The following KPNA1 variants were observed in gnomAD, a reference collection of about 807,000 sequenced individuals.
KPNA1 encodes the protein importin subunit alpha-5.
KPNA1 carries 10 observed loss-of-function variants against 70.5 expected under a neutral mutation model. The ratio of observed to expected loss-of-function variants is 0.14; its 90% CI spans 0.09 to 0.24. KPNA1 has a LOEUF of 0.24. KPNA1 is among the 10% of genes least tolerant of loss of function. The pLI is 1.00. For missense variants in KPNA1, 397 were observed against 637.9 expected (o/e 0.62, Z 4.07); for synonymous variants, 192 against 221.9 (o/e 0.87, Z 1.20).
intron 9 of KPNA1, among the ~76,000 whole-genome samples, chr3:122,445,211 A>G (rs1057376879): frequency 2.0e-5 from 3 of 152,202 alleles, no homozygotes; most frequent in African/African-American, 4.8e-5. Context: ...AGAGCTTAAA[A>G]GACCTGATGG....
At chr3:122,471,961 G>A (rs1049078542) in intron 2 of KPNA1, among the ~76,000 whole-genome samples, 3 of 152,170 alleles carry the variant, frequency 2.0e-5, no homozygotes, top group African/African-American at 7.2e-5. Flanking sequence ...AAAACTGATA[G>A]AATTGCAAAG....
intron 1 of KPNA1, among the ~76,000 whole-genome samples, chr3:122,500,710 G>T (rs1180565367): frequency 6.6e-6 from 1 of 151,816 alleles, no homozygotes; most frequent in Admixed American, 6.6e-5. Flanking sequence ...CTCACCATGT[G>T]GGCAACTGGT....
At chr3:122,438,677 C>T (rs1032157666) in intron 10 of KPNA1, among the ~76,000 whole-genome samples, 5 of 152,138 alleles carry the variant, frequency 3.3e-5, no homozygotes, top group East Asian at 1.9e-4. Context: ...GGAGCCACCA[C>T]GCTCGGCCAG....
chr3:122,431,377 G>A (rs1223500870), intron 12 of KPNA1, among the ~76,000 whole-genome samples: 2 of 152,136 alleles, frequency 1.3e-5, no homozygotes, highest in Non-Finnish European at 1.5e-5. Context: ...GGCTGGTCTC[G>A]AACTCCTGAC....
intron 3 of KPNA1, among the ~76,000 whole-genome samples, chr3:122,466,238 C>T (rs935765494): frequency 5.5e-5 from 8 of 144,430 alleles, no homozygotes; most frequent in African/African-American, 1.7e-4. Flanking sequence ...TAGTATGCCA[C>T]CATTTACCAA....
rs924605273 is a variant in KPNA1 at position 122,424,816 on chromosome 3, C to G, written c.*2169G>C. 4 of 152,528 alleles carry G rather than the reference C, an allele frequency of 2.6e-5. No homozygotes were observed. Among genetic ancestry groups the G allele is most frequent in the Non-Finnish European group, 5.9e-5 (4 of 68,000 alleles). 9.4% of individuals were successfully genotyped at this position (152,528 alleles called of 1,614,324 possible). A position where few individuals can be genotyped will look rare whatever the true frequency, so the allele number is the denominator to read the frequency against. ...AATTTACAATTTTAAAAAACAGCCA[C>G]AAAAAAGTCAAAGCTAAAAACAAGA... On this transcript the variant is annotated 3_prime_UTR_variant, in exon 14 of 14. Coordinates refer to ENST00000344337, the MANE Select transcript of KPNA1 (RefSeq NM_002264.4).
chr3:122,462,259 T>C (rs974418289), intron 4 of KPNA1, among the ~76,000 whole-genome samples: 6 of 152,060 alleles, frequency 3.9e-5, no homozygotes, highest in African/African-American at 1.4e-4. Flanking sequence ...AAGTTCAGCA[T>C]CTAAGTTTTT....
At chr3:122,497,599 T>C (rs576472117) in intron 1 of KPNA1, among the ~76,000 whole-genome samples, 1 of 152,340 alleles carries the variant, frequency 6.6e-6, no homozygotes, top group Admixed American at 6.5e-5. Context: ...ATTAAAACTT[T>C]CATTGAAACC....
rs557936492 is a variant in KPNA1, at chr3:122,501,280, C to T, written c.-5-4710G>A. Among the ~76,000 whole-genome samples, 8 of 152,234 alleles carry T rather than the reference C, an allele frequency of 5.3e-5. No individual in the cohort carries two copies. The South Asian group carries it at 6.2e-4, about 12-fold the overall frequency. On this transcript the variant is annotated intron_variant, in intron 1 of 13. Transcript: ENST00000344337. ...ACCTCAAGTGATCCACCCACCTCCG[C>T]GTCCTGAAGTGCTGGGATTACAGGT...
intron 3 of KPNA1, 53 bp from the exon 4 acceptor site, chr3:122,464,094 G>T: frequency 2.1e-6 from 2 of 958,192 alleles, no homozygotes; most frequent in South Asian, 2.0e-5. Flanking sequence ...TTAATTCAAA[G>T]GAAAGAAAGA....
chr3:122,427,857 T>A, intron 12 of KPNA1, 141 bp from the exon 13 acceptor site: 1 of 481,980 alleles, frequency 2.1e-6, no homozygotes. Context: ...CCATACAAGC[T>A]ATACCTTTTC....
intron 1 of KPNA1, among the ~76,000 whole-genome samples, chr3:122,504,508 G>C (rs555692708): frequency 2.6e-5 from 4 of 152,312 alleles, no homozygotes; most frequent in African/African-American, 9.6e-5. Flanking sequence ...TAACAAATGA[G>C]CCATTCTGGA....
intron 9 of KPNA1, among the ~76,000 whole-genome samples, chr3:122,448,576 C>G (rs981806544): frequency 2.0e-5 from 3 of 152,072 alleles, no homozygotes; most frequent in African/African-American, 7.2e-5. Flanking sequence ...GGGAACATCA[C>G]ACACTGGGGC....
At chr3:122,496,347 C>CACACACACACACAG in intron 2 of KPNA1, 90 bp downstream of exon 2, 1 of 1,194,216 alleles carries the variant, frequency 8.4e-7, no homozygotes, top group Non-Finnish European at 1.2e-6. Context: ...CACACACACA[C>CACACACACACACAG]ACCCCAACTT....
At position 122,472,513 on chromosome 3, in the gene KPNA1, T is replaced by C. The variant is rs904386518; in HGVS notation, c.130-5084A>G. Among the ~76,000 whole-genome samples the C allele has an allele frequency of 1.6e-4, 21 of 129,870 alleles. No homozygotes were observed. In the East Asian group the frequency reaches 2.7e-3, roughly 17 times the overall value. The allele number at this position is 129,870 out of a possible 152,430, so 85.2% of individuals were successfully genotyped here. On this transcript the variant is annotated intron_variant, in intron 2 of 13. Transcript: ENST00000344337. ...AAAAGATCTAAAATCACCTAATCAA[T>C]CACCTTAAAAAAAACAGAAAAAGAA...
Position 122,427,009 on chromosome 3 carries a change from A to C in KPNA1, c.1593T>G (p.Ala531=). The C allele has an allele frequency of 3.1e-6, 5 of 1,614,106 alleles. No homozygotes were observed. Among genetic ancestry groups the C allele is most frequent in the Non-Finnish European group, 4.2e-6 (5 of 1,179,988 alleles). Reference sequence around the variant, plus strand: ...TTCAAAGCTGGAAACCTTCCATAGGAGCCTCACACTGTTGGAAGATGTACT... The same window carrying C: ...TTCAAAGCTGGAAACCTTCCATAGGCGCCTCACACTGTTGGAAGATGTACT... ...QQQYIFQQCE[A]PMEGFQL is the part of the protein sequence containing the mutation. The change falls in exon 14 of 14, where the codon GCT becomes GCG. Residue 531 remains alanine (A), a synonymous_variant. Transcript: ENST00000344337.
chr3:122,509,550 C>A (rs1229075085), intron 1 of KPNA1, among the ~76,000 whole-genome samples: 8 of 152,088 alleles, frequency 5.3e-5, no homozygotes, highest in Admixed American at 2.0e-4. Flanking sequence ...TACATACTTA[C>A]AACAAAACAG....
At chr3:122,508,056 A>G (rs535351226) in intron 1 of KPNA1, among the ~76,000 whole-genome samples, 2 of 150,766 alleles carry the variant, frequency 1.3e-5, no homozygotes, top group African/African-American at 4.8e-5. Context: ...GAAAAAATGA[A>G]CAGAGGAGAA....
chr3:122,470,013 G>A (rs1400523919), intron 2 of KPNA1, among the ~76,000 whole-genome samples: 2 of 152,068 alleles, frequency 1.3e-5, no homozygotes, highest in African/African-American at 2.4e-5. Flanking sequence ...AATGTTAAAC[G>A]AAATTCTTTG....
Sources: gnomAD v4.1 joint callset for allele counts (sites outside exome capture counted in the v4.1 genomes callset) on GRCh38, gnomAD v4.1.1 for gene constraint, MANE v1.5 for transcripts, NCBI Gene and HGNC (gene_info 2026-07-23, HGNC 2026-07-21) for gene names.